The following PTPRG variants were observed in gnomAD, a reference collection of about 807,000 sequenced individuals.
The protein encoded by PTPRG is receptor-type tyrosine-protein phosphatase gamma.
Under a neutral mutation model 165.3 loss-of-function variants are expected in PTPRG, and 102 were observed. The ratio of observed to expected loss-of-function variants is 0.62; its 90% CI spans 0.53 to 0.73. PTPRG has a LOEUF of 0.73. PTPRG is among the 30% of genes least tolerant of loss of function. PTPRG has a pLI of 0.00. For missense variants in PTPRG, 1,866 were observed against 1,861.4 expected, an observed-to-expected ratio of 1.00 and a Z score of -0.05; for synonymous variants, 675 against 669.5, an observed-to-expected ratio of 1.01 and a Z score of -0.13.
intron 4 of PTPRG, among the ~76,000 whole-genome samples, chr3:62,013,569 C>G (rs897989968): frequency 2.2e-4 from 33 of 152,162 alleles, no homozygotes; most frequent in Non-Finnish European, 3.4e-4. Flanking sequence ...TGGATTATCT[C>G]TGCTCTTGCA....
chr3:61,656,021 CG>C (rs1268841262), intron 1 of PTPRG, among the ~76,000 whole-genome samples: 46 of 150,288 alleles, frequency 3.1e-4, no homozygotes, highest in Non-Finnish European at 5.9e-5. Context: ...TTGATACCAA[CG>C]TGGGCAACAT....
chr3:61,878,915 A>G (rs1046198908), intron 2 of PTPRG, among the ~76,000 whole-genome samples: 1 of 152,214 alleles, frequency 6.6e-6, no homozygotes, highest in Non-Finnish European at 1.5e-5. Flanking sequence ...TGGTTTTACT[A>G]GTAAGGCGTC....
chr3:62,124,688 G>A (rs1703221970), intron 5 of PTPRG: 1 of 648,842 alleles, frequency 1.5e-6, no homozygotes, highest in African/African-American at 1.8e-5. Context: ...TGCTGAGCTA[G>A]CTGCGCTTGG....
At chr3:62,153,280 C>T in intron 6 of PTPRG, among the ~76,000 whole-genome samples, 1 of 152,184 alleles carries the variant, frequency 6.6e-6, no homozygotes, top group East Asian at 1.9e-4. Context: ...TGGGCTTACA[C>T]TGGGCCAGGA....
chr3:61,986,307 G>T (rs2040761748), intron 2 of PTPRG, among the ~76,000 whole-genome samples: 2 of 152,128 alleles, frequency 1.3e-5, no homozygotes, highest in Admixed American at 6.5e-5. Flanking sequence ...GAAGGAACCA[G>T]TTCTCAGAGT....
intron 5 of PTPRG, among the ~76,000 whole-genome samples, chr3:62,086,516 C>A (rs899076103): frequency 6.6e-6 from 1 of 152,144 alleles, no homozygotes; most frequent in Non-Finnish European, 1.5e-5. Flanking sequence ...AAGATAATGA[C>A]GGTAAACTAA....
Position 62,203,563 on chromosome 3 carries a change from G to A in PTPRG, c.1768G>A (p.Asp590Asn). The A allele has an allele frequency of 6.4e-7, 1 of 1,552,754 alleles. No individual in the cohort carries two copies. Among genetic ancestry groups the A allele is most frequent in the Non-Finnish European group, 8.7e-7 (1 of 1,147,464 alleles). ...GEKDEKSESE[D>N]GEREHEEDGE... ...GAAGGATGAGAAAAGCGAGAGTGAG[G>A]ATGGGGAGCGGGAGCACGAGGAGGA... Residue 590 changes from aspartate to asparagine, a missense_variant, in exon 12 of 30, where the codon GAT (aspartate) becomes AAT (asparagine). Physicochemically the swap from Asp to Asn is conservative, Grantham distance 23. Coordinates refer to ENST00000474889, the MANE Select transcript of PTPRG (RefSeq NM_002841.4). The surrounding 1 kb of genome is among the most constrained non-coding windows in gnomAD (Gnocchi z 6.4).
chr3:61,998,736 C>G (rs1331208513), intron 3 of PTPRG, among the ~76,000 whole-genome samples: 1 of 152,204 alleles, frequency 6.6e-6, no homozygotes, highest in East Asian at 1.9e-4. Context: ...CTTCTACTGT[C>G]TCCATCATTC....
rs1011398800 is a variant in PTPRG, at chr3:62,233,292, T to G, written c.2375+1981T>G. Among the ~76,000 whole-genome samples, 1 of 152,156 alleles carries G rather than the reference T, an allele frequency of 6.6e-6. No individual in the cohort carries two copies. Among genetic ancestry groups the G allele is most frequent in the Non-Finnish European group, 1.5e-5 (1 of 68,018 alleles). The stretch of plus-strand genomic sequence containing the variant: ...CCTCAAGGGGCGCCATGTCTGTGCT[T>G]CTTACGCTAGCCGCCCTGCTGTAAT... On this transcript the variant is annotated intron_variant, in intron 14 of 29. Transcript: ENST00000474889. The surrounding 1 kb of genome is among the most constrained non-coding windows in gnomAD (Gnocchi z 4.7).
intron 2 of PTPRG, among the ~76,000 whole-genome samples, chr3:61,860,493 T>A (rs2037233853): frequency 7.5e-6 from 1 of 133,742 alleles, no homozygotes; most frequent in South Asian, 2.4e-4. Flanking sequence ...CAGGCTGGAG[T>A]GCACTGGCAC....
intron 1 of PTPRG, among the ~76,000 whole-genome samples, chr3:61,722,154 G>C (rs1331704795): frequency 6.6e-6 from 1 of 152,090 alleles, no homozygotes; most frequent in Non-Finnish European, 1.5e-5. Flanking sequence ...CTGGCGTCTG[G>C]TGAGGGCTTT....
intron 5 of PTPRG, among the ~76,000 whole-genome samples, chr3:62,111,990 A>T (rs547082970): frequency 6.6e-6 from 1 of 152,332 alleles, no homozygotes; most frequent in African/African-American, 2.4e-5. Context: ...TGAGGCCTAA[A>T]GAGGAAACCA....
At chr3:61,618,975 C>CA (rs57427703) in intron 1 of PTPRG, among the ~76,000 whole-genome samples, 124 of 72,712 alleles carry the variant, frequency 1.7e-3, no homozygotes, top group East Asian at 6.7e-3. Context: ...GATCCTGTCT[C>CA]AAAAAAAAAA....
intron 1 of PTPRG, among the ~76,000 whole-genome samples, chr3:61,607,784 A>G (rs1441168511): frequency 1.3e-5 from 2 of 152,128 alleles, no homozygotes; most frequent in Non-Finnish European, 2.9e-5. Context: ...AAATAAATAA[A>G]TGCCATGTGG....
rs575490995 is a variant in PTPRG at position 61,769,374 on chromosome 3, C to G, written c.190+20392C>G. 3.9e-5 allele frequency: 6 copies of G among 152,248 alleles called. No homozygotes were observed. The South Asian group carries it at 6.2e-4, about 16-fold the overall frequency. 9.4% of individuals were successfully genotyped at this position (152,248 alleles called of 1,614,324 possible). A position where few individuals can be genotyped will look rare whatever the true frequency, so the allele number is the denominator to read the frequency against. ...CACTAAAGCCTTGACCTCCTGGGCT[C>G]GTGATTGTTCCACCTCAGCTTCCTG... is the stretch of plus-strand genomic sequence containing the variant. On this transcript the variant is annotated intron_variant, in intron 2 of 29. Coordinates refer to ENST00000474889, the MANE Select transcript of PTPRG (RefSeq NM_002841.4).
intron 2 of PTPRG, among the ~76,000 whole-genome samples, chr3:61,766,685 C>A (rs2034027451): frequency 1.3e-5 from 2 of 151,358 alleles, no homozygotes; most frequent in African/African-American, 2.4e-5. Flanking sequence ...GTCATAATCT[C>A]TGGTCACTGC....
chr3:61,868,388 C>T (rs1575736596), intron 2 of PTPRG, among the ~76,000 whole-genome samples: 1 of 152,284 alleles, frequency 6.6e-6, no homozygotes, highest in Admixed American at 6.5e-5. Context: ...CATCTTGTCC[C>T]TGGTTATCTC....
intron 2 of PTPRG, among the ~76,000 whole-genome samples, chr3:61,975,302 A>G (rs2040478123): frequency 6.6e-6 from 1 of 152,214 alleles, no homozygotes; most frequent in South Asian, 2.1e-4. Context: ...TTTATGGCCT[A>G]CAGTGAATTT....
intron 1 of PTPRG, among the ~76,000 whole-genome samples, chr3:61,730,724 T>G (rs1261960231): frequency 6.6e-6 from 1 of 152,078 alleles, no homozygotes; most frequent in East Asian, 1.9e-4. Context: ...CTAAGATGAG[T>G]GGTCATGTGG....
Sources: gnomAD v4.1 joint callset for allele counts (sites outside exome capture counted in the v4.1 genomes callset) on GRCh38, gnomAD v4.1.1 for gene constraint, Gnocchi (gnomAD v3.1) non-coding constraint, MANE v1.5 for transcripts, NCBI Gene and HGNC (gene_info 2026-07-23, HGNC 2026-07-21) for gene names.